ARHGAP20: variants seen among roughly 807,000 people sequenced by gnomAD.
The protein encoded by ARHGAP20 is Rho GTPase activating protein 20.
In ARHGAP20, 34 loss-of-function variants were observed where a neutral mutation model predicts 73.7. The ratio of observed to expected loss-of-function variants is 0.46; its 90% confidence interval spans 0.35 to 0.61. The LOEUF (loss-of-function observed/expected upper bound fraction) is 0.61, where lower values mean the gene tolerates loss of function less well. ARHGAP20 is among the 20% of genes least tolerant of loss of function. The pLI is 0.00. For synonymous variants in ARHGAP20, 523 were observed against 518.2 expected (o/e 1.01, Z -0.13); for missense variants, 1,314 against 1,420.9 (o/e 0.92, Z 1.21).
At chr11:110,711,518 G>A (rs1231865088) in intron 1 of ARHGAP20, 1 of 1,168,002 alleles carries the variant, frequency 8.6e-7, no homozygotes, top group Non-Finnish European at 1.1e-6. Flanking sequence ...CCCCACCTGG[G>A]AGACCCGGAA....
In ARHGAP20 at chr11:110,580,383, G is replaced by T. The variant is rs371479584; in HGVS notation, c.2563C>A (p.Arg855Ser). The T allele has an allele frequency of 6.2e-7, 1 of 1,614,200 alleles. No individual in the cohort carries two copies. Among genetic ancestry groups the T allele is most frequent in the Non-Finnish European group, 8.5e-7 (1 of 1,180,046 alleles). The change falls in exon 15 of 15, where the codon CGC becomes AGC. Residue 855 changes from arginine (R) to serine (S), a missense_variant. By Grantham distance (110) the Arg-to-Ser change is moderately radical. This residue lies in a region of ARHGAP20 where 641 missense variants were observed against 636.9 expected (regional missense o/e 1.01). Coordinates refer to ENST00000683387, the MANE Select transcript of ARHGAP20 (RefSeq NM_001384657.1). ...CSEPNIEDQN[R>S]KLTYLRGIYS... ...ATTCCCCTGAGATAGGTCAGCTTGC[G>T]GTTCTGGTCTTCTATGTTGGGCTCT...
intron 2 of ARHGAP20, among the ~76,000 whole-genome samples, chr11:110,675,599 C>A (rs146926340): frequency 1.3e-5 from 2 of 152,248 alleles, no homozygotes; most frequent in East Asian, 3.9e-4. Context: ...AGCTCCTCCA[C>A]ATGCACAGTT....
intron 1 of ARHGAP20, chr11:110,691,012 A>G: frequency 6.6e-7 from 1 of 1,521,526 alleles, no homozygotes. Context: ...GGTAGATACT[A>G]CTATCTTTAT....
chr11:110,612,561 A>G (rs1211607870), intron 6 of ARHGAP20, among the ~76,000 whole-genome samples: 4 of 152,228 alleles, frequency 2.6e-5, no homozygotes, highest in Admixed American at 1.3e-4. Context: ...AACTTGCTAC[A>G]TACATAGGTT....
At chr11:110,663,489 A>G (rs1342475466) in intron 2 of ARHGAP20, among the ~76,000 whole-genome samples, 1 of 151,814 alleles carries the variant, frequency 6.6e-6, no homozygotes, top group African/African-American at 2.4e-5. Flanking sequence ...TAAATTAGAT[A>G]ACTTAACTGA....
chr11:110,684,403 T>A (rs535097253), intron 2 of ARHGAP20, among the ~76,000 whole-genome samples: 4 of 152,278 alleles, frequency 2.6e-5, no homozygotes, highest in South Asian at 2.1e-4. Context: ...ATATTGATTA[T>A]CTAGACATAT....
intron 1 of ARHGAP20, among the ~76,000 whole-genome samples, chr11:110,694,567 C>G (rs928057341): frequency 6.6e-6 from 1 of 151,744 alleles, no homozygotes; most frequent in African/African-American, 2.4e-5. Context: ...ACCAACTAAT[C>G]TGCAAGGTGC....
chr11:110,596,572 A>G (rs1412286713), intron 9 of ARHGAP20, among the ~76,000 whole-genome samples: 1 of 152,208 alleles, frequency 6.6e-6, no homozygotes, highest in African/African-American at 2.4e-5. Context: ...AGAGAAATGC[A>G]AATCAAAACC....
intron 9 of ARHGAP20, among the ~76,000 whole-genome samples, chr11:110,595,966 ACAG>A (rs1215633376): frequency 2.0e-5 from 3 of 152,106 alleles, no homozygotes; most frequent in Non-Finnish European, 4.4e-5. Flanking sequence ...ATGGAACAGA[ACAG>A]AGCACTTAGA....
rs367763899 is a variant in ARHGAP20, at chr11:110,646,370, T to C, written c.189-15578A>G. 7.2e-5 allele frequency among the ~76,000 whole-genome samples: 11 copies of C among 152,220 alleles called. 1 individual carries two copies. The highest frequency in any genetic ancestry group is 2.4e-4 in the African/African-American group (10 of 41,562). ...CTTTTAACTACTATCCTGCCAAATA[T>C]TAATACCTACATAATATATTTCAGG... is the stretch of plus-strand genomic sequence containing the variant. On this transcript the variant is annotated intron_variant, in intron 2 of 14. Coordinates refer to ENST00000683387, the MANE Select transcript of ARHGAP20 (RefSeq NM_001384657.1).
intron 2 of ARHGAP20, among the ~76,000 whole-genome samples, chr11:110,677,705 G>A (rs963606459): frequency 6.6e-5 from 10 of 151,952 alleles, no homozygotes; most frequent in African/African-American, 1.9e-4. Flanking sequence ...CCACTAAGAT[G>A]GCTATAATAA....
At chr11:110,678,331 G>T (rs996651660) in intron 2 of ARHGAP20, among the ~76,000 whole-genome samples, 4 of 152,158 alleles carry the variant, frequency 2.6e-5, no homozygotes, top group African/African-American at 9.7e-5. Flanking sequence ...AACCACTGAA[G>T]TGTACACTTT....
chr11:110,615,624 T>G (rs202114967), intron 4 of ARHGAP20, 30 bp from the exon 5 acceptor site: 1 of 1,591,094 alleles, frequency 6.3e-7, no homozygotes, highest in Non-Finnish European at 8.6e-7. Context: ...GAGAGAAAAA[T>G]TAAACCACAT....
At chr11:110,648,336 ATG>A (rs1226279832) in intron 2 of ARHGAP20, among the ~76,000 whole-genome samples, 35 of 90,618 alleles carry the variant, frequency 3.9e-4, no homozygotes, top group African/African-American at 2.1e-3. Context: ...ATATGTGTAT[ATG>A]TGTGTGTGTG....
At chr11:110,699,574 G>T (rs1404332904) in intron 1 of ARHGAP20, among the ~76,000 whole-genome samples, 2 of 151,918 alleles carry the variant, frequency 1.3e-5, no homozygotes, top group East Asian at 3.9e-4. Flanking sequence ...TTATGAATCT[G>T]GGTGTTCTGG....
At chr11:110,687,311 G>A (rs1019462993) in intron 2 of ARHGAP20, among the ~76,000 whole-genome samples, 6 of 151,694 alleles carry the variant, frequency 4.0e-5, no homozygotes, top group African/African-American at 1.5e-4. Flanking sequence ...GCATACCAAA[G>A]GGTTTGGATT....
intron 2 of ARHGAP20, among the ~76,000 whole-genome samples, chr11:110,635,913 C>T (rs574342534): frequency 3.3e-5 from 5 of 151,980 alleles, no homozygotes; most frequent in African/African-American, 9.6e-5. Flanking sequence ...TTGTTGAAAC[C>T]GAGCAAGGAC....
chr11:110,620,381 C>A (rs547485733), intron 4 of ARHGAP20, among the ~76,000 whole-genome samples: 3 of 152,072 alleles, frequency 2.0e-5, no homozygotes, highest in Non-Finnish European at 4.4e-5. Flanking sequence ...AAACTCCCCC[C>A]CTCAAGTGAT....
chr11:110,655,519 C>T (rs999091901), intron 2 of ARHGAP20, among the ~76,000 whole-genome samples: 2 of 152,088 alleles, frequency 1.3e-5, no homozygotes, highest in African/African-American at 4.8e-5. Flanking sequence ...TGCTGTGTCC[C>T]CTGAAGTGCT....
Sources: allele counts gnomAD v4.1 joint callset (sites outside exome capture counted in the v4.1 genomes callset), GRCh38; gene constraint gnomAD v4.1.1; regional missense constraint gnomAD v4.1.1; transcripts MANE v1.5; gene names NCBI Gene and HGNC (gene_info 2026-07-23, HGNC 2026-07-21).